GLMN: variants seen among roughly 807,000 people sequenced by gnomAD.
The protein encoded by GLMN is glomulin.
In GLMN, 75 loss-of-function variants were observed where a neutral mutation model predicts 87.8. That is an observed-to-expected ratio of 0.85 (90% CI 0.71 to 1.04). The LOEUF is 1.04. Among genes scored for constraint, GLMN ranks in the 50% least tolerant of loss-of-function variants. GLMN has a pLI of 0.00. For synonymous variants in GLMN, 206 were observed against 221.6 expected (o/e 0.93, Z 0.63); for missense variants, 588 against 658.8 (o/e 0.89, Z 1.18).
chr1:92,276,271 C>T (rs1647288370), intron 7 of GLMN, among the ~76,000 whole-genome samples: 1 of 151,556 alleles, frequency 6.6e-6, no homozygotes, highest in African/African-American at 2.4e-5. Flanking sequence ...ATTAAATATA[C>T]ATATATTTAC....
intron 7 of GLMN, among the ~76,000 whole-genome samples, chr1:92,274,715 C>G (rs946478535): frequency 6.6e-6 from 1 of 152,176 alleles, no homozygotes; most frequent in Non-Finnish European, 1.5e-5. Context: ...AGTACCTAAT[C>G]CCATGCTGGA....
At chr1:92,370,552 T>A in the GLMN span, among the ~76,000 whole-genome samples, 1 of 152,144 alleles carries the variant, frequency 6.6e-6, no homozygotes, top group Non-Finnish European at 1.5e-5. Flanking sequence ...TGTCTAGAAT[T>A]TAAGGTTTAT....
chr1:92,248,085 C>G (rs1652938081), intron 16 of GLMN, 96 bp from the exon 17 acceptor site: 1 of 709,754 alleles, frequency 1.4e-6, no homozygotes, highest in Admixed American at 2.0e-5. Context: ...ATAAATGAAA[C>G]ATGGCCCTTG....
At chr1:92,291,672 CAG>C in intron 3 of GLMN, 135 bp from the exon 4 acceptor site, 2 of 837,118 alleles carry the variant, frequency 2.4e-6, no homozygotes, top group South Asian at 1.5e-5. Flanking sequence ...GACATTTCAC[CAG>C]AGACTTTCCA....
In GLMN at chr1:92,258,310, C is replaced by G. The variant is rs374279173; in HGVS notation, c.1473+4553G>C. On this transcript the variant is annotated intron_variant, in intron 16 of 18. Coordinates refer to ENST00000370360, the MANE Select transcript of GLMN (RefSeq NM_053274.3). Reference sequence around the variant, plus strand: ...ACGCTTTTACACTGTTGGTGGGAGTCTAAATTAGTTCAACCATTGTGGAAG... The same window carrying G: ...ACGCTTTTACACTGTTGGTGGGAGTGTAAATTAGTTCAACCATTGTGGAAG... Among the ~76,000 whole-genome samples the G allele has an allele frequency of 3.2e-4, 48 of 151,918 alleles. 1 individual carries two copies. The South Asian group carries it at 3.3e-3, about 11-fold the overall frequency.
chr1:92,291,524 T>C lies in GLMN; in HGVS notation c.179A>G (p.Asn60Ser), dbSNP rs780525945. Residue 60 changes from asparagine to serine, a missense_variant, in exon 4 of 19, where the codon AAT becomes AGT. Transcript: ENST00000370360. ...QNEKNKVIIK[N>S]MGWNLVGPVV... ...AGGACCAACGAGATTCCAGCCCATA[T>C]TCTTGATGATGACCTGTAAAAACAT... 3 of 1,613,748 alleles carry C rather than the reference T, an allele frequency of 1.9e-6. No individual in the cohort carries two copies. Among genetic ancestry groups the C allele is most frequent in the African/African-American group, 2.7e-5 (2 of 75,050 alleles).
chr1:92,296,637 T>G (rs573004675), intron 3 of GLMN, among the ~76,000 whole-genome samples: 1 of 152,190 alleles, frequency 6.6e-6, no homozygotes, highest in Non-Finnish European at 1.5e-5. Flanking sequence ...GTCTTCCTTA[T>G]AAGGAGTATC....
the GLMN span, among the ~76,000 whole-genome samples, chr1:92,333,823 G>A: frequency 6.6e-6 from 1 of 152,172 alleles, no homozygotes; most frequent in Non-Finnish European, 1.5e-5. Flanking sequence ...AGCAGTTTCA[G>A]ATGCAAATAA....
intron 5 of GLMN, 50 bp downstream of exon 5, chr1:92,290,148 G>A (rs761697168): frequency 2.0e-6 from 2 of 1,002,512 alleles, no homozygotes; most frequent in South Asian, 2.5e-5. Context: ...TAACCATCAA[G>A]GCATTTAGAG....
chr1:92,359,082 A>T, the GLMN span, among the ~76,000 whole-genome samples: 1 of 152,198 alleles, frequency 6.6e-6, no homozygotes, highest in Non-Finnish European at 1.5e-5. Flanking sequence ...GATTTTCTCA[A>T]AGCCTCTACT....
At chr1:92,277,982 T>A (rs1570928971) in intron 7 of GLMN, among the ~76,000 whole-genome samples, 1 of 152,252 alleles carries the variant, frequency 6.6e-6, no homozygotes, top group South Asian at 2.1e-4. Context: ...GGGGGCAGTC[T>A]TGAGGTATTT....
chr1:92,252,375 T>C lies in GLMN; in HGVS notation c.1474-4386A>G, dbSNP rs140388981. Among the ~76,000 whole-genome samples the C allele has an allele frequency of 3.7e-3, 558 of 152,228 alleles. 4 individuals are homozygous for C. Among genetic ancestry groups the C allele is most frequent in the Middle Eastern group, 0.014 (4 of 294 alleles). ...CGCCACTGCACTCCAGCCTGGGCTATAGAGTGAGACCCCAACTCAAAAGGA... is the reference window on the plus strand; with the variant it reads ...CGCCACTGCACTCCAGCCTGGGCTACAGAGTGAGACCCCAACTCAAAAGGA... On this transcript the variant is annotated intron_variant, in intron 16 of 18. Coordinates refer to ENST00000370360, the MANE Select transcript of GLMN (RefSeq NM_053274.3).
chr1:92,347,177 T>C, the GLMN span, among the ~76,000 whole-genome samples: 10 of 152,198 alleles, frequency 6.6e-5, no homozygotes, highest in Non-Finnish European at 1.0e-4. Context: ...CTGATATAAA[T>C]TTTTTATCAA....
At chr1:92,325,221 G>C in the GLMN span, among the ~76,000 whole-genome samples, 1 of 152,102 alleles carries the variant, frequency 6.6e-6, no homozygotes. Flanking sequence ...TAATAACCTT[G>C]TTTTTACCAC....
At chr1:92,301,123 A>G (rs1003182740), upstream of GLMN, among the ~76,000 whole-genome samples, 1 of 152,226 alleles carries the variant, frequency 6.6e-6, no homozygotes, top group African/African-American at 2.4e-5. Context: ...AGACTTATGT[A>G]TGTGCAGTGC....
chr1:92,304,231 C>T, the GLMN span: 3 of 1,245,292 alleles, frequency 2.4e-6, no homozygotes, highest in Non-Finnish European at 2.3e-6. Context: ...TGTAACATAA[C>T]GTTCATGTTT....
the GLMN span, chr1:92,307,199 C>A: frequency 6.2e-7 from 1 of 1,610,100 alleles, no homozygotes; most frequent in Non-Finnish European, 8.5e-7. Flanking sequence ...CTTTTTGCAG[C>A]AATTTTTGTT....
At chr1:92,352,280 T>C in the GLMN span, among the ~76,000 whole-genome samples, 1 of 152,188 alleles carries the variant, frequency 6.6e-6, no homozygotes, top group East Asian at 1.9e-4. Context: ...TGGGAAATGG[T>C]ATTTAAACAA....
chr1:92,370,456 C>T, the GLMN span, among the ~76,000 whole-genome samples: 3 of 151,904 alleles, frequency 2.0e-5, no homozygotes, highest in Non-Finnish European at 4.4e-5. Context: ...AGCTTTCGTA[C>T]CCCCCCACCA....
Sources: allele counts gnomAD v4.1 joint callset (sites outside exome capture counted in the v4.1 genomes callset), GRCh38; gene constraint gnomAD v4.1.1; transcripts MANE v1.5; gene names NCBI Gene and HGNC (gene_info 2026-07-23, HGNC 2026-07-21).